Variants in USP36 observed in about 807,000 individuals in gnomAD.
The protein encoded by USP36 is ubiquitin carboxyl-terminal hydrolase 36.
A neutral mutation model predicts 111.5 loss-of-function variants in USP36; 59 were observed. That is an observed-to-expected ratio of 0.53 (90% CI 0.43 to 0.66). USP36 has a LOEUF of 0.66. USP36 is among the 30% of genes least tolerant of loss of function. The pLI, the probability that USP36 is intolerant of heterozygous loss-of-function variation, is 0.00. For missense variants in USP36, 1,488 were observed against 1,468.0 expected, an observed-to-expected ratio of 1.01 and a Z score of -0.22; for synonymous variants, 628 against 581.0, an observed-to-expected ratio of 1.08 and a Z score of -1.16.
chr17:78,798,663 T>C lies in USP36; in HGVS notation c.3241-112A>G, dbSNP rs1036153948. ...ACAGGCCGGGCTCTCATGAGCTCTC[T>C]GGAGACCCACTCTTCACAATGACCC... On this transcript the variant is annotated intron_variant, in intron 19 of 20. Coordinates refer to ENST00000449938, the MANE Select transcript of USP36 (RefSeq NM_001385174.1). This position sits in a 1 kb window ranked among gnomAD's most constrained non-coding sequence, Gnocchi z 5.1. The C allele has an allele frequency of 2.6e-6, 4 of 1,511,930 alleles. No homozygotes were observed. The African/African-American group carries it at 5.5e-5, about 21-fold the overall frequency. 93.7% of individuals were successfully genotyped at this position (1,511,930 alleles called of 1,614,324 possible).
At chr17:78,805,334 C>T (rs928777594) in intron 15 of USP36, among the ~76,000 whole-genome samples, 3 of 152,212 alleles carry the variant, frequency 2.0e-5, no homozygotes, top group Admixed American at 1.3e-4. Context: ...CTCCCACGTA[C>T]ACAAATCTTA....
downstream of USP36, chr17:78,792,181 G>A (rs1044177812): frequency 6.6e-6 from 1 of 152,426 alleles, no homozygotes; most frequent in Non-Finnish European, 1.5e-5. Context: ...AGAGCAAAAT[G>A]AATGTCAACC....
chr17:78,798,639 C>G lies in USP36; in HGVS notation c.3241-88G>C, dbSNP rs528571342. On this transcript the variant is annotated intron_variant, in intron 19 of 20. Transcript: ENST00000449938. The surrounding 1 kb of genome is among the most constrained non-coding windows in gnomAD (Gnocchi z 5.1). ...CCATGCTGCATGCAGGTCCTGCACA[C>G]AGGCCGGGCTCTCATGAGCTCTCTG... 2 of 1,581,740 alleles carry G rather than the reference C, an allele frequency of 1.3e-6. No homozygotes were observed. The highest frequency in any genetic ancestry group is 2.2e-5 in the East Asian group (1 of 44,750).
Position 78,812,966 on chromosome 17 carries a change from A to G in USP36, c.1301T>C (p.Ile434Thr), listed in dbSNP as rs1309566361. 12 of 1,613,920 alleles carry G rather than the reference A, an allele frequency of 7.4e-6. No homozygotes were observed. The highest frequency in any genetic ancestry group is 1.3e-5 in the African/African-American group (1 of 74,912). The change falls in exon 13 of 21, where the codon ATC becomes ACC. Residue 434 changes from isoleucine to threonine, a missense_variant. Ile to Thr is a moderately conservative substitution (Grantham distance 89). Transcript: ENST00000449938. Reference protein sequence around the residue: ...PGSKKSPEGLISRTGSSSLPG... With the variant: ...PGSKKSPEGLTSRTGSSSLPG... ...AAGGGAGGAGGAGCCTGTCCTGGAG[A>G]TGAGGCCCTCGGGACTTTTCTTAGA...
intron 3 of USP36, among the ~76,000 whole-genome samples, chr17:78,835,853 C>T (rs1221446432): frequency 3.3e-5 from 5 of 152,162 alleles, no homozygotes; most frequent in African/African-American, 4.8e-5. Context: ...GCCTGACTTT[C>T]GACTGTATTA....
At position 78,829,679 on chromosome 17, in the gene USP36, G is replaced by C. The variant is rs78771345; in HGVS notation, c.476-672C>G. Among the ~76,000 whole-genome samples the C allele has an allele frequency of 5.5e-3, 833 of 152,316 alleles. 33 individuals are homozygous for C. The East Asian group carries it at 0.1, about 18-fold the overall frequency. Reference sequence around the variant, plus strand: ...AAAACTTTATTTACACACACAGAGAGCAGGCCAGATGAGTCTGCCCACCCC... The same window carrying C: ...AAAACTTTATTTACACACACAGAGACCAGGCCAGATGAGTCTGCCCACCCC... On this transcript the variant is annotated intron_variant, in intron 4 of 20. Transcript: ENST00000449938.
chr17:78,800,622 C>A (rs562280023), intron 17 of USP36, among the ~76,000 whole-genome samples: 1 of 152,372 alleles, frequency 6.6e-6, no homozygotes, highest in East Asian at 1.9e-4. Flanking sequence ...TCCACACAGC[C>A]CAGGGACCCG....
Position 78,800,850 on chromosome 17 carries a change from C to T in USP36, c.3023-1082G>A, listed in dbSNP as rs1054303985. ...CGCACTTCAGTAGACACAACCAGCA[C>T]CTGGCATGGACCCTGGCGCACCGCA... On this transcript the variant is annotated intron_variant, in intron 17 of 20. Coordinates refer to ENST00000449938, the MANE Select transcript of USP36 (RefSeq NM_001385174.1). 5.3e-5 allele frequency among the ~76,000 whole-genome samples: 8 copies of T among 152,362 alleles called. No individual in the cohort carries two copies. The East Asian group carries it at 7.7e-4, about 15-fold the overall frequency.
At chr17:78,814,964 A>G (rs2094145728) in intron 10 of USP36, among the ~76,000 whole-genome samples, 1 of 152,066 alleles carries the variant, frequency 6.6e-6, no homozygotes, top group East Asian at 1.9e-4. Context: ...GCCCCGCCAC[A>G]AACAAGAAAA....
At chr17:78,814,878 G>A (rs987166316) in intron 10 of USP36, among the ~76,000 whole-genome samples, 5 of 152,110 alleles carry the variant, frequency 3.3e-5, no homozygotes, top group African/African-American at 7.2e-5. Context: ...TTGAACCCGC[G>A]AGGCAGAGGT....
At chr17:78,818,816 G>T (rs533257631) in intron 9 of USP36, 38 bp from the exon 10 acceptor site, 3 of 1,604,624 alleles carry the variant, frequency 1.9e-6, no homozygotes, top group South Asian at 2.2e-5. Flanking sequence ...ATGAATGATT[G>T]ATTCGTGCTC....
At chr17:78,805,384 G>A (rs1377232721) in intron 15 of USP36, among the ~76,000 whole-genome samples, 2 of 152,142 alleles carry the variant, frequency 1.3e-5, no homozygotes, top group African/African-American at 4.8e-5. Context: ...GTGTGTATAT[G>A]TGAGAGGAGA....
At chr17:78,812,684 G>A (rs141802450) in intron 13 of USP36, among the ~76,000 whole-genome samples, 176 bp downstream of exon 13, 204 of 132,072 alleles carry the variant, frequency 1.5e-3, no homozygotes, top group African/African-American at 5.7e-3. Context: ...ATGACAGAGC[G>A]AGACTCTGTC....
chr17:78,793,066 T>C (rs778791824), downstream of USP36, among the ~76,000 whole-genome samples: 4 of 143,790 alleles, frequency 2.8e-5, no homozygotes, highest in Non-Finnish European at 6.1e-5. Context: ...GCCTCACCCA[T>C]AGATTCTGAT....
At chr17:78,788,904 C>G (rs146001432) in intron 3 of USP36, among the ~76,000 whole-genome samples, 2 of 151,832 alleles carry the variant, frequency 1.3e-5, no homozygotes, top group African/African-American at 4.8e-5. Flanking sequence ...GCTGGCTTCA[C>G]GAAAGAGAGA....
At chr17:78,832,844 T>A (rs181246074) in intron 4 of USP36, among the ~76,000 whole-genome samples, 126 of 152,202 alleles carry the variant, frequency 8.3e-4, no homozygotes, top group Middle Eastern at 3.4e-3. Context: ...GGGCTACAAT[T>A]AGCCATCTCA....
At chr17:78,834,154 G>A (rs941901002) in intron 4 of USP36, among the ~76,000 whole-genome samples, 1 of 151,848 alleles carries the variant, frequency 6.6e-6, no homozygotes, top group Admixed American at 6.6e-5. Flanking sequence ...GGCTGAGACA[G>A]GAGAATTGCT....
chr17:78,793,153 AAGG>A (rs769482719), downstream of USP36, among the ~76,000 whole-genome samples: 17 of 152,110 alleles, frequency 1.1e-4, no homozygotes, highest in Non-Finnish European at 2.1e-4. Flanking sequence ...CTGAGGTAAG[AAGG>A]AGAAGAGAAC....
Position 78,807,082 on chromosome 17 carries a change from C to T in USP36, c.1962G>A (p.Pro654=), listed in dbSNP as rs372219044. The part of the protein sequence containing the change: ...NCSTAGHSKT[P]PSGADSKTVK... Reference sequence around the variant, plus strand: ...CCGTCTTAGAATCTGCTCCACTTGGCGGCGTTTTGGAGTGGCCAGCGGTGG... The same window carrying T: ...CCGTCTTAGAATCTGCTCCACTTGGTGGCGTTTTGGAGTGGCCAGCGGTGG... Residue 654 remains proline (P), a synonymous_variant, in exon 14 of 21, where the codon CCG becomes CCA. Coordinates refer to ENST00000449938, the MANE Select transcript of USP36 (RefSeq NM_001385174.1). The T allele has an allele frequency of 5.7e-5, 92 of 1,614,092 alleles. No homozygotes were observed. Among genetic ancestry groups the T allele is most frequent in the East Asian group, 8.9e-5 (4 of 44,892 alleles).
Sources: allele counts gnomAD v4.1 joint callset (sites outside exome capture counted in the v4.1 genomes callset), GRCh38; gene constraint gnomAD v4.1.1; non-coding constraint Gnocchi (gnomAD v3.1); transcripts MANE v1.5; gene names NCBI Gene and HGNC (gene_info 2026-07-23, HGNC 2026-07-21).